Variants in PRR33 observed in about 807,000 individuals in gnomAD.
The protein encoded by PRR33 is proline-rich protein 33.
PRR33 carries 1 observed loss-of-function variant against 0.5 expected under a neutral mutation model. The ratio of observed to expected loss-of-function variants is 2.18; its 90% CI spans 0.77 to 10.34. The LOEUF (loss-of-function observed/expected upper bound fraction) is 10.34, where lower values mean the gene tolerates loss of function less well. PRR33 is among the 30% of genes most tolerant of loss of function. PRR33 has a pLI of 0.13. For missense variants in PRR33, 552 were observed against 251.8 expected (o/e 2.19, Z -8.07); for synonymous variants, 226 against 110.0 (o/e 2.06, Z -6.60).
chr11:1,917,654 G>A, the PRR33 span, among the ~76,000 whole-genome samples: 3,055 of 152,354 alleles, frequency 0.02, 41 homozygotes, highest in Non-Finnish European at 0.03. Flanking sequence ...GCAGGCCCTC[G>A]AGGCCGCTGG....
At chr11:1,890,452 CCTT>C (rs1463899189) in exon 1 of PRR33, 9 of 717,210 alleles carry the variant, frequency 1.3e-5, no homozygotes, top group Middle Eastern at 2.3e-4. Flanking sequence ...TTCCGGGCTG[CCTT>C]CCTCAGGAGC....
chr11:1,889,876 C>G (rs1192817266), exon 1 of PRR33: 2 of 630,400 alleles, frequency 3.2e-6, no homozygotes, highest in Non-Finnish European at 5.8e-6. Flanking sequence ...GGACTGGCAG[C>G]CTGGACTGTG....
the PRR33 span, among the ~76,000 whole-genome samples, chr11:1,899,600 T>C: frequency 6.6e-6 from 1 of 152,172 alleles, no homozygotes; most frequent in African/African-American, 2.4e-5. Context: ...TGTTTTCCAC[T>C]GGAAATGGAC....
chr11:1,908,476 A>G, the PRR33 span, among the ~76,000 whole-genome samples: 1 of 151,982 alleles, frequency 6.6e-6, no homozygotes, highest in African/African-American at 2.4e-5. Flanking sequence ...TTTGTCATTC[A>G]AGTTTGTCAT....
the PRR33 span, among the ~76,000 whole-genome samples, chr11:1,897,842 G>T: frequency 6.6e-6 from 1 of 152,118 alleles, no homozygotes; most frequent in South Asian, 2.1e-4. This position sits in a 1 kb window ranked among gnomAD's most constrained non-coding sequence, Gnocchi z 4.0. Flanking sequence ...TTAAAACTCC[G>T]GAGAGAATGC....
the PRR33 span, among the ~76,000 whole-genome samples, chr11:1,912,063 G>GT: frequency 1.4e-5 from 2 of 146,802 alleles, no homozygotes; most frequent in African/African-American, 5.0e-5. Context: ...TCCCAGCTAT[G>GT]TGAGAGGGTG....
exon 1 of PRR33, chr11:1,889,852 GCTC>G: frequency 1.6e-6 from 1 of 632,486 alleles, no homozygotes; most frequent in East Asian, 2.7e-5. Context: ...GGTACAGGGG[GCTC>G]CTCAGGCAAG....
At chr11:1,905,549 G>A in the PRR33 span, among the ~76,000 whole-genome samples, 12 of 148,448 alleles carry the variant, frequency 8.1e-5, no homozygotes, top group African/African-American at 1.8e-4. Flanking sequence ...AACGATCCTC[G>A]TGCCTCAGCC....
chr11:1,892,713 T>A (rs1485363779), upstream of PRR33, among the ~76,000 whole-genome samples: 1 of 151,014 alleles, frequency 6.6e-6, no homozygotes, highest in Non-Finnish European at 1.5e-5. Flanking sequence ...AATGGATGGA[T>A]GAGTGGATGG....
exon 1 of PRR33, chr11:1,889,518 G>A (rs747994025): frequency 4.4e-5 from 27 of 617,840 alleles, no homozygotes; most frequent in South Asian, 3.5e-4. Context: ...CTCTGGGCAC[G>A]GAGGCTCTGG....
chr11:1,899,862 A>T, the PRR33 span, among the ~76,000 whole-genome samples: 1 of 152,256 alleles, frequency 6.6e-6, no homozygotes, highest in African/African-American at 2.4e-5. Flanking sequence ...GAAAACACGC[A>T]TTGAAAATGA....
chr11:1,901,755 A>G, the PRR33 span, among the ~76,000 whole-genome samples: 1 of 152,220 alleles, frequency 6.6e-6, no homozygotes, highest in Non-Finnish European at 1.5e-5. Flanking sequence ...GGCCAGGAAA[A>G]ACACGTTAAA....
chr11:1,900,616 C>G, the PRR33 span, among the ~76,000 whole-genome samples: 1 of 152,106 alleles, frequency 6.6e-6, no homozygotes, highest in Admixed American at 6.5e-5. Flanking sequence ...CTGGAAATGA[C>G]GTAAAATGGT....
At chr11:1,896,913 T>G in the PRR33 span, among the ~76,000 whole-genome samples, 1 of 152,252 alleles carries the variant, frequency 6.6e-6, no homozygotes, top group Non-Finnish European at 1.5e-5. Flanking sequence ...AAATTAAATT[T>G]AACAGAGTTT....
At chr11:1,907,961 G>A in the PRR33 span, 1 of 152,182 alleles carries the variant, frequency 6.6e-6, no homozygotes, top group Non-Finnish European at 1.5e-5. Context: ...TCCGTGTTAC[G>A]ACCTACAGAA....
At chr11:1,890,524 G>A in exon 1 of PRR33, 1 of 716,066 alleles carries the variant, frequency 1.4e-6, no homozygotes, top group Non-Finnish European at 2.6e-6. Context: ...GGGGGTCCAG[G>A]GGTTCCCTGG....
At chr11:1,893,628 A>T (rs1849079766), upstream of PRR33, among the ~76,000 whole-genome samples, 1 of 148,216 alleles carries the variant, frequency 6.7e-6, no homozygotes, top group South Asian at 2.2e-4. Context: ...GGGTGGGTGG[A>T]TGGATGGATG....
the PRR33 span, among the ~76,000 whole-genome samples, chr11:1,914,352 G>A: frequency 2.6e-4 from 39 of 148,294 alleles, no homozygotes; most frequent in African/African-American, 8.0e-4. Context: ...GTAGGGTCAC[G>A]CATCTGGGAT....
upstream of PRR33, among the ~76,000 whole-genome samples, chr11:1,893,685 T>C (rs1380753496): frequency 7.0e-6 from 1 of 142,774 alleles, no homozygotes; most frequent in African/African-American, 2.6e-5. Flanking sequence ...GATGGATGGA[T>C]AGATAGATAA....
Sources: allele counts gnomAD v4.1 joint callset (sites outside exome capture counted in the v4.1 genomes callset), GRCh38; gene constraint gnomAD v4.1.1; non-coding constraint Gnocchi (gnomAD v3.1); transcripts MANE v1.5; gene names NCBI Gene and HGNC (gene_info 2026-07-23, HGNC 2026-07-21).